FRMD5: variants seen among roughly 807,000 people sequenced by gnomAD.
The protein encoded by FRMD5 is FERM domain-containing protein 5.
Under a neutral mutation model 69.0 loss-of-function variants are expected in FRMD5, and 20 were observed. The ratio of observed to expected loss-of-function variants is 0.29; its 90% CI spans 0.20 to 0.42. FRMD5 has a LOEUF of 0.42. Ranked by LOEUF, FRMD5 falls within the 10% of genes least tolerant of loss-of-function variation. The probability of loss-of-function intolerance (pLI) is 1.00; values close to 1 mark genes in which losing one functional copy is unlikely to be tolerated. For missense variants in FRMD5, 595 were observed against 708.6 expected, an observed-to-expected ratio of 0.84 and a Z score of 1.82; for synonymous variants, 271 against 260.1, an observed-to-expected ratio of 1.04 and a Z score of -0.40.
At chr15:44,039,799 G>A (rs995395264) in intron 1 of FRMD5, among the ~76,000 whole-genome samples, 1 of 152,048 alleles carries the variant, frequency 6.6e-6, no homozygotes, top group African/African-American at 2.4e-5. Context: ...TCGCCAGCAA[G>A]GGAAGAAAAC....
At chr15:43,949,961 G>T (rs2090001829) in intron 1 of FRMD5, among the ~76,000 whole-genome samples, 1 of 152,174 alleles carries the variant, frequency 6.6e-6, no homozygotes, top group Admixed American at 6.5e-5. Flanking sequence ...GCTTGGGAAG[G>T]GCACACGTGT....
intron 1 of FRMD5, among the ~76,000 whole-genome samples, chr15:44,142,398 G>T (rs1441766639): frequency 6.6e-6 from 1 of 152,116 alleles, no homozygotes; most frequent in Non-Finnish European, 1.5e-5. Flanking sequence ...TGAACACATG[G>T]TAGCATCAAA....
intron 2 of FRMD5, among the ~76,000 whole-genome samples, chr15:43,920,930 T>C (rs1022704842): frequency 2.0e-5 from 3 of 152,214 alleles, no homozygotes; most frequent in Non-Finnish European, 2.9e-5. Context: ...GATCACCTTC[T>C]GGGCTGGGCC....
At chr15:43,963,926 G>C (rs2090248818) in intron 1 of FRMD5, among the ~76,000 whole-genome samples, 1 of 152,052 alleles carries the variant, frequency 6.6e-6, no homozygotes, top group South Asian at 2.1e-4. Context: ...GGAGGGCGGA[G>C]GGATAGCATT....
At chr15:43,880,133 A>C (rs1481385997) in intron 13 of FRMD5, among the ~76,000 whole-genome samples, 12 of 152,304 alleles carry the variant, frequency 7.9e-5, no homozygotes, top group South Asian at 2.1e-4. Flanking sequence ...TATCCAGGCC[A>C]TATATAGTCC....
intron 1 of FRMD5, among the ~76,000 whole-genome samples, chr15:44,019,800 A>G (rs2140247471): frequency 6.6e-6 from 1 of 151,630 alleles, no homozygotes; most frequent in East Asian, 1.9e-4. Context: ...AAAGAAAAAA[A>G]AGAACAAGCA....
intron 13 of FRMD5, among the ~76,000 whole-genome samples, chr15:43,881,896 T>G (rs1327150962): frequency 6.6e-6 from 1 of 152,074 alleles, no homozygotes; most frequent in Non-Finnish European, 1.5e-5. Flanking sequence ...AACAGCAGAG[T>G]GATAGCCTTC....
chr15:43,903,966 G>C (rs2089108908), intron 6 of FRMD5, among the ~76,000 whole-genome samples: 1 of 152,176 alleles, frequency 6.6e-6, no homozygotes, highest in Non-Finnish European at 1.5e-5. Flanking sequence ...ACCACAAGGG[G>C]TCGCTATTCC....
At chr15:44,160,828 G>T (rs1007653852) in intron 1 of FRMD5, among the ~76,000 whole-genome samples, 2 of 152,068 alleles carry the variant, frequency 1.3e-5, no homozygotes, top group African/African-American at 4.8e-5. Context: ...ATTCCCTTTA[G>T]ATTTTTGTTT....
At chr15:44,151,960 A>G (rs748824801) in intron 1 of FRMD5, among the ~76,000 whole-genome samples, 2 of 152,232 alleles carry the variant, frequency 1.3e-5, no homozygotes, top group Non-Finnish European at 2.9e-5. Context: ...CTGTAATCTC[A>G]GCACTTTAGG....
chr15:44,147,032 CT>C (rs1297920682), intron 1 of FRMD5, among the ~76,000 whole-genome samples: 1 of 152,112 alleles, frequency 6.6e-6, no homozygotes, highest in Non-Finnish European at 1.5e-5. Flanking sequence ...GTTGCAATTG[CT>C]TTTGATATTT....
At chr15:43,886,695 G>A (rs888856009) in intron 10 of FRMD5, among the ~76,000 whole-genome samples, 23 of 152,328 alleles carry the variant, frequency 1.5e-4, no homozygotes, top group Non-Finnish European at 2.2e-4. Flanking sequence ...ATCCCTGCCC[G>A]TCTCAGGGCT....
intron 1 of FRMD5, among the ~76,000 whole-genome samples, chr15:44,134,676 C>T (rs202159767): frequency 1.3e-5 from 2 of 152,152 alleles, no homozygotes; most frequent in African/African-American, 4.8e-5. Context: ...TCTTGTACTC[C>T]CGACCTCAAA....
chr15:44,120,679 C>T lies in FRMD5; in HGVS notation c.102+74274G>A, dbSNP rs1007364435. On this transcript the variant is annotated intron_variant, in intron 1 of 13. Transcript: ENST00000417257. ...CTGGGACTACAGGCGCCTGCCACCA[C>T]GCCCAGCTAATTTTTTTTTTTTGTA... Among the ~76,000 whole-genome samples the T allele has an allele frequency of 2.2e-4, 30 of 137,704 alleles. No individual in the cohort carries two copies. In the East Asian group the frequency reaches 6.1e-3, roughly 28 times the overall value. The allele number at this position is 137,704 out of a possible 152,430, so 90.3% of individuals were successfully genotyped here.
intron 1 of FRMD5, among the ~76,000 whole-genome samples, chr15:44,074,873 G>C (rs1893692918): frequency 6.6e-6 from 1 of 152,098 alleles, no homozygotes; most frequent in Non-Finnish European, 1.5e-5. Flanking sequence ...GTCAGCTTTA[G>C]TGCCATCACC....
chr15:44,128,523 T>G (rs1268366916), intron 1 of FRMD5, among the ~76,000 whole-genome samples: 1 of 152,168 alleles, frequency 6.6e-6, no homozygotes, highest in Non-Finnish European at 1.5e-5. Flanking sequence ...CAAAGTAGTA[T>G]CATTGAGAAA....
At chr15:44,100,452 T>C (rs576100821) in intron 1 of FRMD5, among the ~76,000 whole-genome samples, 42 of 152,316 alleles carry the variant, frequency 2.8e-4, no homozygotes, top group African/African-American at 9.6e-4. Context: ...AATTAGTGTA[T>C]GTCAAACTGC....
At chr15:43,915,427 C>T (rs1022810738) in intron 4 of FRMD5, among the ~76,000 whole-genome samples, 6 of 152,188 alleles carry the variant, frequency 3.9e-5, no homozygotes, top group African/African-American at 1.2e-4. Flanking sequence ...TGACTCCGTT[C>T]GTTCATGTAT....
chr15:43,915,310 G>A (rs749321061), intron 4 of FRMD5, among the ~76,000 whole-genome samples: 2 of 152,126 alleles, frequency 1.3e-5, no homozygotes, highest in Admixed American at 6.5e-5. Context: ...CATATGGCCC[G>A]ACAAGCCAAA....
Sources: allele counts gnomAD v4.1 joint callset (sites outside exome capture counted in the v4.1 genomes callset), GRCh38; gene constraint gnomAD v4.1.1; transcripts MANE v1.5; gene names NCBI Gene and HGNC (gene_info 2026-07-23, HGNC 2026-07-21).